TNFRSF19: variants seen among roughly 807,000 people sequenced by gnomAD.
The protein encoded by TNFRSF19 is tumor necrosis factor receptor superfamily member 19.
In TNFRSF19, 27 loss-of-function variants were observed where a neutral mutation model predicts 46.4. The observed-to-expected ratio is 0.58, with a 90% CI of 0.43 to 0.80. The LOEUF (loss-of-function observed/expected upper bound fraction) is 0.80. Ranked by LOEUF, TNFRSF19 falls within the 30% of genes least tolerant of loss-of-function variation. The probability of loss-of-function intolerance (pLI) is 0.00; values close to 1 mark genes in which losing one functional copy is unlikely to be tolerated. For synonymous variants in TNFRSF19, 204 were observed against 205.0 expected (o/e 1.00, Z 0.04); for missense variants, 511 against 530.8 (o/e 0.96, Z 0.37).
At chr13:23,632,597 A>G (rs1213034442) in intron 5 of TNFRSF19, among the ~76,000 whole-genome samples, 2 of 152,142 alleles carry the variant, frequency 1.3e-5, no homozygotes, top group Admixed American at 6.5e-5. Flanking sequence ...CTTTTTGTCA[A>G]TAACATGTGA....
chr13:23,644,072 A>C (rs1261421869), intron 5 of TNFRSF19, among the ~76,000 whole-genome samples: 4 of 152,202 alleles, frequency 2.6e-5, no homozygotes, highest in African/African-American at 9.6e-5. Flanking sequence ...TGATTCACTT[A>C]CATTTAAATC....
chr13:23,655,710 A>T (rs1883935447), intron 5 of TNFRSF19, among the ~76,000 whole-genome samples: 1 of 151,738 alleles, frequency 6.6e-6, no homozygotes, highest in South Asian at 2.1e-4. Flanking sequence ...ATAGAGTGGA[A>T]GCCACTTTAT....
intron 3 of TNFRSF19, among the ~76,000 whole-genome samples, chr13:23,595,881 A>G (rs1008507658): frequency 1.3e-5 from 2 of 152,236 alleles, no homozygotes; most frequent in African/African-American, 4.8e-5. Context: ...TTACCCACAA[A>G]GGGAAACCCA....
rs1217031094 is a variant in TNFRSF19, at chr13:23,675,537, A to G, written c.*2157A>G. On this transcript the variant is annotated 3_prime_UTR_variant, in exon 10 of 10. Transcript: ENST00000248484. ...ATTTGGTAAATCCTGGGTAACTTTTATCAAGATGAAGACATTTTACCCTAC... is the reference window on the plus strand; with the variant it reads ...ATTTGGTAAATCCTGGGTAACTTTTGTCAAGATGAAGACATTTTACCCTAC... The G allele has an allele frequency of 1.3e-5, 2 of 152,256 alleles. No individual in the cohort carries two copies. The highest frequency in any genetic ancestry group is 6.5e-5 in the Admixed American group (1 of 15,288). 9.4% of individuals were successfully genotyped at this position (152,256 alleles called of 1,614,324 possible). A position where few individuals can be genotyped will look rare whatever the true frequency, so the allele number is the denominator to read the frequency against.
chr13:23,655,057 A>C (rs190777990), intron 5 of TNFRSF19, among the ~76,000 whole-genome samples: 1 of 152,158 alleles, frequency 6.6e-6, no homozygotes, highest in East Asian at 1.9e-4. Context: ...AGGGGATGCA[A>C]TGTGGGGAGA....
At chr13:23,660,201 ACTTT>A (rs1884265935) in intron 6 of TNFRSF19, among the ~76,000 whole-genome samples, 160 bp from the exon 7 acceptor site, 1 of 152,206 alleles carries the variant, frequency 6.6e-6, no homozygotes, top group Admixed American at 6.5e-5. Flanking sequence ...TACATTTTGA[ACTTT>A]CTTAACAAAT....
chr13:23,626,185 A>ATGTGTGTGTGTG (rs1306222494), intron 4 of TNFRSF19, among the ~76,000 whole-genome samples: 7 of 75,906 alleles, frequency 9.2e-5, no homozygotes, highest in African/African-American at 4.0e-4. Flanking sequence ...TTTCTTTAAA[A>ATGTGTGTGTGTG]TCTGTGTGTG....
chr13:23,580,320 AGT>A (rs35199493), intron 1 of TNFRSF19, among the ~76,000 whole-genome samples: 44,615 of 152,080 alleles, frequency 0.29, 6,635 homozygotes, highest in South Asian at 0.34. Flanking sequence ...ACCATTGTTC[AGT>A]GTTTCTTTTA....
intron 7 of TNFRSF19, 92 bp from the exon 8 acceptor site, chr13:23,667,888 A>T: frequency 9.1e-7 from 1 of 1,099,192 alleles, no homozygotes; most frequent in Non-Finnish European, 1.3e-6. Flanking sequence ...AAAGGGAAAC[A>T]TCTAAATTTC....
intron 7 of TNFRSF19, among the ~76,000 whole-genome samples, chr13:23,660,883 A>G (rs1476796402): frequency 6.6e-6 from 1 of 152,126 alleles, no homozygotes; most frequent in Non-Finnish European, 1.5e-5. Context: ...AAATATATCT[A>G]TTTTTAGAAT....
chr13:23,615,966 G>A lies in TNFRSF19; in HGVS notation c.280G>A (p.Asp94Asn). 1.2e-6 allele frequency: 2 copies of A among 1,614,072 alleles called. No homozygotes were observed. The change falls in exon 4 of 10, where the codon GAC becomes AAC. Residue 94 changes from aspartate to asparagine, a missense_variant. Physicochemically the swap from Asp to Asn is conservative, Grantham distance 23. Transcript: ENST00000248484. ...CTTCCAGAAATGCAAGCCCTGTCTG[G>A]ACTGCGCAGTGGTGAACCGCTTTCA... is the stretch of plus-strand genomic sequence containing the variant. ...WGFQKCKPCL[D>N]CAVVNRFQKA...
rs540944751 is a variant in TNFRSF19, at chr13:23,588,517, T to C, written c.-34-1633T>C. 7.4e-4 allele frequency among the ~76,000 whole-genome samples: 113 copies of C among 152,352 alleles called. 1 individual carries two copies. Among genetic ancestry groups the C allele is most frequent in the African/African-American group, 2.6e-3 (109 of 41,580 alleles). On this transcript the variant is annotated intron_variant, in intron 1 of 9. Coordinates refer to ENST00000248484, the MANE Select transcript of TNFRSF19 (RefSeq NM_148957.4). ...CTAATTGCTCGAATATGGTATGTAC[T>C]GATTGACTTGTCAATTTCTTTGTCT...
At chr13:23,626,972 G>C (rs1369886930) in intron 5 of TNFRSF19, among the ~76,000 whole-genome samples, 180 bp downstream of exon 5, 1 of 152,198 alleles carries the variant, frequency 6.6e-6, no homozygotes, top group African/African-American at 2.4e-5. Flanking sequence ...CTGTGCCTCA[G>C]TCAGCAAACC....
intron 1 of TNFRSF19, among the ~76,000 whole-genome samples, chr13:23,572,429 TG>T (rs1350473425): frequency 1.3e-5 from 2 of 152,162 alleles, no homozygotes; most frequent in Non-Finnish European, 2.9e-5. Context: ...TTTAAAACAA[TG>T]ACTGGAGATG....
chr13:23,622,341 A>G (rs986300891), intron 4 of TNFRSF19, among the ~76,000 whole-genome samples: 1 of 151,430 alleles, frequency 6.6e-6, no homozygotes, highest in African/African-American at 2.4e-5. Flanking sequence ...CCTGGGAGGC[A>G]GAGGTTGCAG....
chr13:23,644,361 A>G (rs895141812), intron 5 of TNFRSF19, among the ~76,000 whole-genome samples: 2 of 152,158 alleles, frequency 1.3e-5, no homozygotes, highest in African/African-American at 2.4e-5. Context: ...TCCCGTTCTC[A>G]TGATATAGTA....
chr13:23,659,185 A>G lies in TNFRSF19; in HGVS notation c.581A>G (p.Lys194Arg). ...CTCATCCTCTGTGTCATCTATTGTA[A>G]GAGACAGTTTATGGAGAAGAAACCC... ...ALLILCVIYCKRQFMEKKPSW... is the reference protein window; with the variant it reads ...ALLILCVIYCRRQFMEKKPSW... The change falls in exon 6 of 10, where the codon AAG becomes AGG. Residue 194 changes from lysine to arginine, a missense_variant. By Grantham distance (26) the Lys-to-Arg change is conservative. Transcript: ENST00000248484. This position sits in a 1 kb window ranked among gnomAD's most constrained non-coding sequence, Gnocchi z 4.9. 2 of 1,613,482 alleles carry G rather than the reference A, an allele frequency of 1.2e-6. No homozygotes were observed. Among genetic ancestry groups the G allele is most frequent in the Non-Finnish European group, 1.7e-6 (2 of 1,179,496 alleles).
intron 1 of TNFRSF19, among the ~76,000 whole-genome samples, chr13:23,583,596 C>T (rs945517002): frequency 2.0e-5 from 3 of 152,094 alleles, no homozygotes; most frequent in African/African-American, 7.2e-5. Flanking sequence ...GACAAAGGAA[C>T]TTGTGTGTCT....
At chr13:23,609,658 A>G (rs2138236147) in intron 3 of TNFRSF19, among the ~76,000 whole-genome samples, 1 of 152,352 alleles carries the variant, frequency 6.6e-6, no homozygotes, top group East Asian at 1.9e-4. Flanking sequence ...GTTAATGTGA[A>G]AAAATTAACT....
Sources: gnomAD v4.1 joint callset for allele counts (sites outside exome capture counted in the v4.1 genomes callset) on GRCh38, gnomAD v4.1.1 for gene constraint, Gnocchi (gnomAD v3.1) non-coding constraint, MANE v1.5 for transcripts, NCBI Gene and HGNC (gene_info 2026-07-23, HGNC 2026-07-21) for gene names.